The following LIPC variants were observed in gnomAD, a reference collection of about 807,000 sequenced individuals.
LIPC encodes the protein hepatic triacylglycerol lipase.
LIPC carries 44 observed loss-of-function variants against 50.7 expected under a neutral mutation model. That is an observed-to-expected ratio of 0.87 (90% CI 0.68 to 1.11). LIPC has a LOEUF of 1.11. LIPC is among the 50% of genes most tolerant of loss of function. The probability of loss-of-function intolerance (pLI) is 0.00; values close to 1 mark genes in which losing one functional copy is unlikely to be tolerated. For synonymous variants in LIPC, 271 were observed against 256.4 expected, an observed-to-expected ratio of 1.06 and a Z score of -0.54; for missense variants, 697 against 648.2, an observed-to-expected ratio of 1.08 and a Z score of -0.82.
At chr15:58,494,650 T>A (rs1237586915) in intron 1 of LIPC, 1 of 410,742 alleles carries the variant, frequency 2.4e-6, no homozygotes, top group African/African-American at 2.1e-5. Context: ...CCTGTATCAA[T>A]CAGTGCCAAT....
intron 1 of LIPC, among the ~76,000 whole-genome samples, chr15:58,487,513 A>G (rs1388434493): frequency 6.6e-6 from 1 of 152,256 alleles, no homozygotes; most frequent in Non-Finnish European, 1.5e-5. Context: ...CGGCCCCTTA[A>G]TAAATAGCTT....
rs189803165 is a variant in LIPC at position 58,526,361 on chromosome 15, C to T, written c.89-11972C>T. On this transcript the variant is annotated intron_variant, in intron 1 of 8. Coordinates refer to ENST00000299022, the MANE Select transcript of LIPC (RefSeq NM_000236.3). ...TTCCTCATTAGCAGAGAGTGTTAAC[C>T]GGTAGCCTAGTTTGGCTCCTCGAGG... Among the ~76,000 whole-genome samples, 583 of 152,330 alleles carry T rather than the reference C, an allele frequency of 3.8e-3. 17 individuals are homozygous for T. Among genetic ancestry groups the T allele is most frequent in the Admixed American group, 0.034 (516 of 15,296 alleles).
At chr15:58,556,082 C>T (rs1369427499) in intron 6 of LIPC, among the ~76,000 whole-genome samples, 1 of 152,188 alleles carries the variant, frequency 6.6e-6, no homozygotes, top group Non-Finnish European at 1.5e-5. Context: ...CCCAGCAGGG[C>T]ATCATTATTT....
intron 1 of LIPC, among the ~76,000 whole-genome samples, chr15:58,463,026 C>T (rs1475458715): frequency 6.6e-6 from 1 of 152,218 alleles, no homozygotes; most frequent in African/African-American, 2.4e-5. Flanking sequence ...TCCAAGAAGT[C>T]GATTCCAATC....
At chr15:58,455,127 AT>A (rs1894061598) in intron 1 of LIPC, 1 of 152,240 alleles carries the variant, frequency 6.6e-6, no homozygotes, top group Non-Finnish European at 1.5e-5. Flanking sequence ...TGATGGCTGT[AT>A]TTATACATGG....
At chr15:58,551,760 T>C (rs1443956520) in intron 6 of LIPC, among the ~76,000 whole-genome samples, 2 of 152,144 alleles carry the variant, frequency 1.3e-5, no homozygotes, top group Admixed American at 6.5e-5. Context: ...TTCAAAAACA[T>C]CTAATTGTAC....
At chr15:58,470,269 G>C (rs547990171) in intron 1 of LIPC, among the ~76,000 whole-genome samples, 140 of 152,242 alleles carry the variant, frequency 9.2e-4, no homozygotes, top group Non-Finnish European at 1.7e-3. Context: ...CTGTAAATGA[G>C]AGATTTGTTC....
intron 1 of LIPC, chr15:58,498,573 G>C (rs766111015): frequency 6.6e-6 from 1 of 152,154 alleles, no homozygotes; most frequent in Non-Finnish European, 1.5e-5. Flanking sequence ...AGACAATTAG[G>C]GGGTAAAAAT....
intron 7 of LIPC, among the ~76,000 whole-genome samples, chr15:58,561,874 A>G (rs1169503410): frequency 1.3e-5 from 2 of 151,844 alleles, no homozygotes; most frequent in African/African-American, 4.8e-5. Context: ...GGCGTGTCCC[A>G]CCTCCCCTTC....
At chr15:58,470,252 TAA>T (rs1351773159) in intron 1 of LIPC, among the ~76,000 whole-genome samples, 2 of 152,194 alleles carry the variant, frequency 1.3e-5, no homozygotes, top group African/African-American at 4.8e-5. Flanking sequence ...CTTTGAATTT[TAA>T]AAGACTGTAA....
intron 1 of LIPC, among the ~76,000 whole-genome samples, chr15:58,470,394 T>TTCTAA (rs1306659888): frequency 6.6e-6 from 1 of 152,126 alleles, no homozygotes; most frequent in African/African-American, 2.4e-5. Context: ...GAAATTTTTA[T>TTCTAA]GAAGTTTTTG....
intron 1 of LIPC, among the ~76,000 whole-genome samples, chr15:58,486,177 C>T (rs1891370273): frequency 6.6e-6 from 1 of 152,190 alleles, no homozygotes; most frequent in Admixed American, 6.5e-5. Flanking sequence ...TGTCACTGTC[C>T]CTCTGCCTGG....
At chr15:58,513,880 C>A (rs1365449614) in intron 1 of LIPC, among the ~76,000 whole-genome samples, 2 of 152,192 alleles carry the variant, frequency 1.3e-5, no homozygotes, top group African/African-American at 4.8e-5. Flanking sequence ...CGTTTCCAAA[C>A]CTCGGGGCCA....
At chr15:58,487,275 C>T (rs1279711459) in intron 1 of LIPC, among the ~76,000 whole-genome samples, 1 of 152,210 alleles carries the variant, frequency 6.6e-6, no homozygotes, top group Non-Finnish European at 1.5e-5. Flanking sequence ...CCTTGTAGAG[C>T]TTCCATTCTC....
At chr15:58,540,373 A>C (rs577760741) in intron 2 of LIPC, among the ~76,000 whole-genome samples, 1 of 151,610 alleles carries the variant, frequency 6.6e-6, no homozygotes, top group South Asian at 2.1e-4. Flanking sequence ...CTTTAGATCT[A>C]TTAACGTATT....
chr15:58,563,659 G>A lies in LIPC; in HGVS notation c.1324G>A (p.Gly442Arg). The change falls in exon 8 of 9, where the codon GGG (glycine) becomes AGG (arginine). Residue 442 changes from glycine to arginine, a missense_variant. Transcript: ENST00000299022. ...TVQTIIPWSTGPRHSGLVLKT... is the reference protein window; with the variant it reads ...TVQTIIPWSTRPRHSGLVLKT... Reference sequence around the variant, plus strand: ...CCAGACCATCATCCCATGGAGCACAGGGCCGCGCCACTCAGGCCTCGTTCT... The same window carrying A: ...CCAGACCATCATCCCATGGAGCACAAGGCCGCGCCACTCAGGCCTCGTTCT... 1 of 1,614,108 alleles carries A rather than the reference G, an allele frequency of 6.2e-7. No individual in the cohort carries two copies. The highest frequency in any genetic ancestry group is 8.5e-7 in the Non-Finnish European group (1 of 1,180,042).
intron 4 of LIPC, among the ~76,000 whole-genome samples, chr15:58,543,214 C>T (rs1893398578): frequency 6.6e-6 from 1 of 152,130 alleles, no homozygotes. Context: ...CCCAGGCTTC[C>T]GTGACACCAA....
intron 6 of LIPC, among the ~76,000 whole-genome samples, chr15:58,552,946 G>C (rs921222561): frequency 6.6e-6 from 1 of 152,120 alleles, no homozygotes; most frequent in African/African-American, 2.4e-5. Context: ...AACCTGCCCC[G>C]GTCAGTTCAG....
At chr15:58,434,329 T>G (rs1893220624) in intron 1 of LIPC, among the ~76,000 whole-genome samples, 1 of 152,132 alleles carries the variant, frequency 6.6e-6, no homozygotes, top group Non-Finnish European at 1.5e-5. Context: ...CTACTTCTTT[T>G]GAGTATTTAT....
Sources: gnomAD v4.1 joint callset for allele counts (sites outside exome capture counted in the v4.1 genomes callset) on GRCh38, gnomAD v4.1.1 for gene constraint, MANE v1.5 for transcripts, NCBI Gene and HGNC (gene_info 2026-07-23, HGNC 2026-07-21) for gene names.